SPAG16: variants seen among roughly 807,000 people sequenced by gnomAD.
SPAG16 encodes the protein sperm associated antigen 16.
Under a neutral mutation model 80.4 loss-of-function variants are expected in SPAG16, and 86 were observed. The observed-to-expected ratio is 1.07, with a 90% CI of 0.90 to 1.28. The LOEUF is 1.28. Among genes scored for constraint, SPAG16 ranks in the 50% most tolerant of loss-of-function variants. The pLI, the probability that SPAG16 is intolerant of heterozygous loss-of-function variation, is 0.00. For synonymous variants in SPAG16, 294 were observed against 265.9 expected (o/e 1.11, Z -1.03); for missense variants, 870 against 765.3 (o/e 1.14, Z -1.61).
At chr2:214,204,795 T>C (rs538635040) in intron 15 of SPAG16, among the ~76,000 whole-genome samples, 1 of 152,014 alleles carries the variant, frequency 6.6e-6, no homozygotes, top group East Asian at 1.9e-4. Context: ...CCCCAAAAGA[T>C]CACACCAGCT....
intron 10 of SPAG16, among the ~76,000 whole-genome samples, chr2:213,822,416 G>A (rs1037801003): frequency 1.1e-4 from 17 of 152,000 alleles, no homozygotes; most frequent in African/African-American, 3.4e-4. Context: ...AGCTCCTTCT[G>A]TATTCTGGTT....
chr2:214,401,884 T>C (rs1001334710), intron 15 of SPAG16, among the ~76,000 whole-genome samples: 1 of 151,982 alleles, frequency 6.6e-6, no homozygotes, highest in Non-Finnish European at 1.5e-5. Flanking sequence ...GACAGAGTAA[T>C]AAGAAAAATA....
chr2:213,686,020 G>A (rs539098202), intron 10 of SPAG16, among the ~76,000 whole-genome samples: 3 of 152,128 alleles, frequency 2.0e-5, no homozygotes, highest in Admixed American at 6.5e-5. Flanking sequence ...AATTATAAAG[G>A]TATCATAATC....
At chr2:213,460,499 G>A (rs950804087) in intron 9 of SPAG16, among the ~76,000 whole-genome samples, 1 of 152,038 alleles carries the variant, frequency 6.6e-6, no homozygotes, top group African/African-American at 2.4e-5. Context: ...AATGTTGCAG[G>A]GAACCTCAAT....
chr2:214,057,723 G>T (rs548183874), intron 13 of SPAG16, among the ~76,000 whole-genome samples: 3 of 152,082 alleles, frequency 2.0e-5, no homozygotes, highest in Non-Finnish European at 2.9e-5. Context: ...CCAATAGAAG[G>T]CTTTTTCATC....
At chr2:213,599,894 G>T (rs2061004158) in intron 10 of SPAG16, among the ~76,000 whole-genome samples, 1 of 152,076 alleles carries the variant, frequency 6.6e-6, no homozygotes, top group Non-Finnish European at 1.5e-5. Context: ...TAGAGACGGG[G>T]TTTCACCATC....
chr2:214,000,533 T>G lies in SPAG16; in HGVS notation c.1401-13418T>G, dbSNP rs185671883. Among the ~76,000 whole-genome samples, 196 of 152,220 alleles carry G rather than the reference T, an allele frequency of 1.3e-3. 1 individual carries two copies. Among genetic ancestry groups the G allele is most frequent in the African/African-American group, 4.4e-3 (184 of 41,496 alleles). On this transcript the variant is annotated intron_variant, in intron 12 of 15. Coordinates refer to ENST00000331683, the MANE Select transcript of SPAG16 (RefSeq NM_024532.5). Reference sequence around the variant, plus strand: ...TTGTCGTTTCATTAAAAATAAATATTTATTGAGTACCCACTCTGGGCTAGC... The same window carrying G: ...TTGTCGTTTCATTAAAAATAAATATGTATTGAGTACCCACTCTGGGCTAGC...
At chr2:213,526,220 A>C (rs1420214858) in intron 10 of SPAG16, among the ~76,000 whole-genome samples, 1 of 152,186 alleles carries the variant, frequency 6.6e-6, no homozygotes, top group East Asian at 1.9e-4. Flanking sequence ...TTATATCATA[A>C]TGTATCACTA....
At chr2:214,390,996 G>A (rs1701049931) in intron 15 of SPAG16, among the ~76,000 whole-genome samples, 1 of 152,138 alleles carries the variant, frequency 6.6e-6, no homozygotes, top group East Asian at 1.9e-4. Context: ...TTAGGTATTT[G>A]TGACTTCAGA....
chr2:214,206,825 C>A (rs1389512056), intron 15 of SPAG16, among the ~76,000 whole-genome samples: 5 of 152,080 alleles, frequency 3.3e-5, no homozygotes, highest in Non-Finnish European at 7.4e-5. Context: ...ATTATAATAT[C>A]ACCCAACTGG....
chr2:213,385,273 G>T (rs2067368337), intron 9 of SPAG16, among the ~76,000 whole-genome samples: 1 of 152,100 alleles, frequency 6.6e-6, no homozygotes, highest in Non-Finnish European at 1.5e-5. Context: ...ACTTAGTTTG[G>T]TAATCACTTT....
chr2:213,319,991 A>C (rs1445658226), intron 5 of SPAG16, among the ~76,000 whole-genome samples: 1 of 151,970 alleles, frequency 6.6e-6, no homozygotes, highest in Non-Finnish European at 1.5e-5. Context: ...AAATTAGACA[A>C]GGAAAATTTG....
intron 10 of SPAG16, among the ~76,000 whole-genome samples, chr2:213,674,995 C>T (rs1219504528): frequency 6.7e-6 from 1 of 149,556 alleles, no homozygotes; most frequent in Non-Finnish European, 1.5e-5. Flanking sequence ...GTTTACAGTC[C>T]CACCAACAGT....
intron 10 of SPAG16, among the ~76,000 whole-genome samples, chr2:213,731,039 C>CA (rs35142663): frequency 0.024 from 3,670 of 151,688 alleles, 148 homozygotes; most frequent in African/African-American, 0.083. Context: ...TCTCTGCTTA[C>CA]ATTATCCTTC....
intron 1 of SPAG16, among the ~76,000 whole-genome samples, chr2:213,288,800 A>G (rs1296353440): frequency 6.6e-6 from 1 of 152,118 alleles, no homozygotes; most frequent in African/African-American, 2.4e-5. Context: ...CTTCTCTGAA[A>G]TGTTTGTAGT....
At chr2:213,567,165 CT>C (rs531916197) in intron 10 of SPAG16, among the ~76,000 whole-genome samples, 35,213 of 95,070 alleles carry the variant, frequency 0.37, 4,992 homozygotes, top group East Asian at 0.51. Context: ...AACACAGATT[CT>C]TTTTTTTTTT....
intron 11 of SPAG16, among the ~76,000 whole-genome samples, chr2:213,904,613 A>C (rs530957572): frequency 3.3e-5 from 5 of 151,838 alleles, no homozygotes; most frequent in African/African-American, 1.2e-4. Flanking sequence ...AAAAAAAAAA[A>C]AAAAAAAACA....
At chr2:213,676,229 T>C (rs532689776) in intron 10 of SPAG16, among the ~76,000 whole-genome samples, 1 of 152,330 alleles carries the variant, frequency 6.6e-6, no homozygotes, top group African/African-American at 2.4e-5. Context: ...TGTACATTGA[T>C]TTTGTATCCT....
chr2:214,388,701 TTACTG>T (rs1700898135), intron 15 of SPAG16, among the ~76,000 whole-genome samples: 1 of 152,154 alleles, frequency 6.6e-6, no homozygotes, highest in African/African-American at 2.4e-5. Flanking sequence ...AAAATAAACT[TTACTG>T]GGTGGGGAAC....
Sources: allele counts gnomAD v4.1 joint callset (sites outside exome capture counted in the v4.1 genomes callset), GRCh38; gene constraint gnomAD v4.1.1; transcripts MANE v1.5; gene names NCBI Gene and HGNC (gene_info 2026-07-23, HGNC 2026-07-21).